The following SEC22A variants were observed in gnomAD, a reference collection of about 807,000 sequenced individuals.
SEC22A encodes vesicle-trafficking protein SEC22a.
Under a neutral mutation model 35.3 loss-of-function variants are expected in SEC22A, and 22 were observed. That is an observed-to-expected ratio of 0.62 (90% CI 0.45 to 0.89). The LOEUF (loss-of-function observed/expected upper bound fraction) is 0.89. SEC22A is among the 40% of genes least tolerant of loss of function. SEC22A has a pLI of 0.00. For synonymous variants in SEC22A, 119 were observed against 129.5 expected (o/e 0.92, Z 0.55); for missense variants, 354 against 362.5 (o/e 0.98, Z 0.19).
rs1224829871 is a variant in SEC22A at position 123,271,521 on chromosome 3, G to T, written c.724-1G>T. ...ATCTTTCATTTTTATATTTTGAACA[G>T]TGTTATTTACTTGTCTACTACACCG... On this transcript the variant is annotated splice_acceptor_variant, in intron 6 of 6. Transcript: ENST00000492595. LOFTEE classifies it high-confidence loss of function. 1 of 1,610,562 alleles carries T rather than the reference G, an allele frequency of 6.2e-7. No homozygotes were observed. The highest frequency in any genetic ancestry group is 1.3e-5 in the African/African-American group (1 of 74,966).
intron 4 of SEC22A, among the ~76,000 whole-genome samples, chr3:123,228,495 A>C (rs1937253920): frequency 6.6e-6 from 1 of 151,310 alleles, no homozygotes; most frequent in African/African-American, 2.4e-5. Context: ...GAATTGCTTG[A>C]ACCCAGGAGG....
intron 5 of SEC22A, among the ~76,000 whole-genome samples, chr3:123,248,690 T>A (rs1937585843): frequency 6.6e-6 from 1 of 152,206 alleles, no homozygotes; most frequent in African/African-American, 2.4e-5. Flanking sequence ...ACAGTCCCAA[T>A]CAAAATTTCA....
intron 4 of SEC22A, among the ~76,000 whole-genome samples, chr3:123,227,008 A>G (rs1278858029): frequency 1.3e-5 from 2 of 152,234 alleles, no homozygotes; most frequent in East Asian, 3.8e-4. Context: ...TAAAATGGCT[A>G]CATTCAAGGC....
At chr3:123,251,431 A>G (rs908028914) in intron 5 of SEC22A, among the ~76,000 whole-genome samples, 1 of 152,140 alleles carries the variant, frequency 6.6e-6, no homozygotes, top group African/African-American at 2.4e-5. Context: ...GATCCAGGGA[A>G]CTGTAAATTG....
chr3:123,261,087 G>A (rs1356337389), intron 6 of SEC22A, among the ~76,000 whole-genome samples: 1 of 151,382 alleles, frequency 6.6e-6, no homozygotes, highest in Non-Finnish European at 1.5e-5. Flanking sequence ...CGCCCACCTC[G>A]GCCTCCCAAA....
intron 5 of SEC22A, among the ~76,000 whole-genome samples, chr3:123,257,184 A>G (rs1236199785): frequency 6.6e-6 from 1 of 152,186 alleles, no homozygotes; most frequent in Non-Finnish European, 1.5e-5. Flanking sequence ...AAGATTTTTT[A>G]AGTGACACAG....
Position 123,271,712 on chromosome 3 carries a change from A to G in SEC22A, c.914A>G (p.Tyr305Cys), listed in dbSNP as rs1343433423. ...LRQAQGKAPD[Y>C]DV ...CAAGCCCAGGGCAAGGCTCCCGATT[A>G]TGATGTCTGACACCATCCTTCAGAT... The change falls in exon 7 of 7, where the codon TAT becomes TGT. Residue 305 changes from tyrosine to cysteine, a missense_variant. Tyr to Cys is a radical substitution (Grantham distance 194). Coordinates refer to ENST00000492595, the MANE Select transcript of SEC22A (RefSeq NM_012430.5). 2 of 1,613,904 alleles carry G rather than the reference A, an allele frequency of 1.2e-6. No homozygotes were observed. The highest frequency in any genetic ancestry group is 1.7e-5 in the Admixed American group (1 of 60,018).
chr3:123,233,515 A>C (rs1454762477), intron 4 of SEC22A, among the ~76,000 whole-genome samples: 1 of 152,218 alleles, frequency 6.6e-6, no homozygotes, highest in African/African-American at 2.4e-5. Context: ...CAGGTGTGCA[A>C]GGTTGCTTTA....
intron 6 of SEC22A, among the ~76,000 whole-genome samples, chr3:123,266,448 T>G (rs1254419954): frequency 6.6e-6 from 1 of 152,174 alleles, no homozygotes; most frequent in East Asian, 1.9e-4. Flanking sequence ...TTAGCACTTC[T>G]TTAGCTGTAT....
chr3:123,203,588 G>A (rs1400046893), intron 1 of SEC22A, among the ~76,000 whole-genome samples: 1 of 152,168 alleles, frequency 6.6e-6, no homozygotes, highest in Non-Finnish European at 1.5e-5. Context: ...TACATGGCTG[G>A]TAGATGGTGG....
chr3:123,229,454 A>T lies in SEC22A; in HGVS notation c.541+4157A>T, dbSNP rs573712552. On this transcript the variant is annotated intron_variant, in intron 4 of 6. Transcript: ENST00000492595. ...AAATAAAAACTACCAGTAACCAAGAATCTTATATCTAGCAAAGTTATCTTT... is the reference window on the plus strand; with the variant it reads ...AAATAAAAACTACCAGTAACCAAGATTCTTATATCTAGCAAAGTTATCTTT... Among the ~76,000 whole-genome samples the T allele has an allele frequency of 3.9e-5, 6 of 152,352 alleles. No individual in the cohort carries two copies. The East Asian group carries it at 1.2e-3, about 29-fold the overall frequency.
At chr3:123,261,071 G>A (rs1032442474) in intron 6 of SEC22A, among the ~76,000 whole-genome samples, 1 of 151,608 alleles carries the variant, frequency 6.6e-6, no homozygotes, top group Non-Finnish European at 1.5e-5. Context: ...TCCTGACCTT[G>A]TGATCCGCCC....
At chr3:123,260,131 C>CAAAAAAAAAAAAAAAAAAAAAAAA (rs533386545) in intron 6 of SEC22A, among the ~76,000 whole-genome samples, 8 of 49,774 alleles carry the variant, frequency 1.6e-4, no homozygotes, top group Non-Finnish European at 1.9e-4. Flanking sequence ...GACTACATCT[C>CAAAAAAAAAAAAAAAAAAAAAAAA]AAAAAAAAAA....
intron 2 of SEC22A, among the ~76,000 whole-genome samples, chr3:123,212,706 T>G (rs73197528): frequency 0.28 from 41,849 of 151,846 alleles, 7,186 homozygotes; most frequent in Non-Finnish European, 0.4. Context: ...ACACAAAGGA[T>G]TTGAGGCAAT....
At chr3:123,209,139 A>G (rs1301900952) in intron 1 of SEC22A, 60 bp from the exon 2 acceptor site, 3 of 1,325,178 alleles carry the variant, frequency 2.3e-6, no homozygotes, top group South Asian at 2.4e-5. Flanking sequence ...ACATTTTTAC[A>G]TATGCTTATC....
chr3:123,254,736 TC>T (rs1174593841), intron 5 of SEC22A, among the ~76,000 whole-genome samples: 3 of 145,048 alleles, frequency 2.1e-5, no homozygotes, highest in African/African-American at 7.6e-5. Context: ...TCTTTTCTTT[TC>T]TTTTTTTTTA....
At chr3:123,262,908 A>T (rs1937925761) in intron 6 of SEC22A, among the ~76,000 whole-genome samples, 1 of 152,202 alleles carries the variant, frequency 6.6e-6, no homozygotes. Flanking sequence ...GAGAGATCTT[A>T]CGTACCCTTT....
chr3:123,244,943 T>C (rs550993140), intron 4 of SEC22A, among the ~76,000 whole-genome samples: 169 of 152,324 alleles, frequency 1.1e-3, no homozygotes, highest in African/African-American at 4.0e-3. Context: ...TGTATAACTT[T>C]TGTGCTGCTG....
intron 4 of SEC22A, among the ~76,000 whole-genome samples, chr3:123,237,772 C>T (rs1212637403): frequency 6.6e-6 from 1 of 152,164 alleles, no homozygotes; most frequent in South Asian, 2.1e-4. Context: ...TAAGTCCCCA[C>T]CCTGACCTGT....
Sources: allele counts gnomAD v4.1 joint callset (sites outside exome capture counted in the v4.1 genomes callset), GRCh38; gene constraint gnomAD v4.1.1; transcripts MANE v1.5; gene names NCBI Gene and HGNC (gene_info 2026-07-23, HGNC 2026-07-21).